HS3ST5: variants seen among roughly 807,000 people sequenced by gnomAD.
HS3ST5 encodes the protein heparan sulfate-glucosamine 3-sulfotransferase 5, also known as heparan sulfate glucosamine 3-O-sulfotransferase 5.
HS3ST5 carries 10 observed loss-of-function variants against 25.4 expected under a neutral mutation model. The ratio of observed to expected loss-of-function variants is 0.39; its 90% CI spans 0.24 to 0.67. The LOEUF (loss-of-function observed/expected upper bound fraction) is 0.67. HS3ST5 is among the 30% of genes least tolerant of loss of function. The pLI is 0.44. For synonymous variants in HS3ST5, 170 were observed against 162.4 expected (o/e 1.05, Z -0.36); for missense variants, 324 against 420.7 (o/e 0.77, Z 2.01).
chr6:114,092,214 A>G (rs1562193497), intron 3 of HS3ST5, among the ~76,000 whole-genome samples: 1 of 152,230 alleles, frequency 6.6e-6, no homozygotes, highest in Non-Finnish European at 1.5e-5. Context: ...CTTTAGTGAC[A>G]TAACCCATGC....
At chr6:114,223,450 G>A (rs1159688404) in intron 2 of HS3ST5, among the ~76,000 whole-genome samples, 2 of 151,724 alleles carry the variant, frequency 1.3e-5, no homozygotes, top group African/African-American at 2.4e-5. Context: ...CTGAGCTTAG[G>A]AGTCTGCAAA....
chr6:114,312,667 C>A (rs9374453), intron 1 of HS3ST5, among the ~76,000 whole-genome samples: 4 of 152,006 alleles, frequency 2.6e-5, no homozygotes, highest in African/African-American at 4.8e-5. Flanking sequence ...AAAAAAAATT[C>A]TTAAAGTTGA....
At chr6:114,290,870 T>TG (rs548102448) in intron 1 of HS3ST5, among the ~76,000 whole-genome samples, 1 of 152,058 alleles carries the variant, frequency 6.6e-6, no homozygotes, top group Non-Finnish European at 1.5e-5. Context: ...TTAACCCTTG[T>TG]GGGGGAAAAC....
chr6:114,088,155 A>C (rs773712944), intron 3 of HS3ST5, among the ~76,000 whole-genome samples: 27 of 152,276 alleles, frequency 1.8e-4, no homozygotes, highest in Non-Finnish European at 2.9e-4. Flanking sequence ...AAAATTGTAA[A>C]TTACCTACGT....
intron 2 of HS3ST5, among the ~76,000 whole-genome samples, chr6:114,227,618 A>G (rs1001025390): frequency 2.6e-5 from 4 of 152,216 alleles, no homozygotes; most frequent in South Asian, 2.1e-4. Flanking sequence ...CACATGATTT[A>G]TAAGTTCTTA....
chr6:114,295,461 T>C (rs1376126036), intron 1 of HS3ST5, among the ~76,000 whole-genome samples: 1 of 152,150 alleles, frequency 6.6e-6, no homozygotes, highest in Non-Finnish European at 1.5e-5. Flanking sequence ...AATCTTTAAC[T>C]TGCCACATTT....
chr6:114,092,679 G>GT (rs749120403), intron 3 of HS3ST5, among the ~76,000 whole-genome samples: 3,039 of 124,970 alleles, frequency 0.024, 78 homozygotes, highest in African/African-American at 0.07. Context: ...TATTTATTTT[G>GT]TTTTTTTTTT....
intron 1 of HS3ST5, among the ~76,000 whole-genome samples, chr6:114,299,828 A>C (rs1462059226): frequency 6.6e-6 from 1 of 152,190 alleles, no homozygotes; most frequent in African/African-American, 2.4e-5. Context: ...ACCTCAGTGA[A>C]ATTTCTACAT....
At chr6:114,101,194 T>C (rs990622205) in intron 3 of HS3ST5, among the ~76,000 whole-genome samples, 18 of 152,196 alleles carry the variant, frequency 1.2e-4, no homozygotes, top group Non-Finnish European at 2.2e-4. Flanking sequence ...AATTCTTACA[T>C]TATTCAAAAG....
intron 1 of HS3ST5, among the ~76,000 whole-genome samples, chr6:114,338,789 G>GA (rs770525532): frequency 3.9e-4 from 59 of 152,088 alleles, no homozygotes; most frequent in Non-Finnish European, 7.4e-4. Flanking sequence ...TTAGATACCA[G>GA]AAAATATATA....
At chr6:114,330,542 C>A (rs1187716025) in intron 1 of HS3ST5, among the ~76,000 whole-genome samples, 4 of 152,200 alleles carry the variant, frequency 2.6e-5, no homozygotes, top group African/African-American at 4.8e-5. Flanking sequence ...GTCCAACCTT[C>A]TGGTTTAGTG....
intron 1 of HS3ST5, among the ~76,000 whole-genome samples, chr6:114,308,473 G>A (rs1775392258): frequency 6.6e-6 from 1 of 152,106 alleles, no homozygotes; most frequent in Non-Finnish European, 1.5e-5. Context: ...TGTAGTCCCA[G>A]CTACTCGGGA....
intron 1 of HS3ST5, among the ~76,000 whole-genome samples, chr6:114,279,324 A>C (rs1347317886): frequency 1.3e-5 from 2 of 152,040 alleles, no homozygotes; most frequent in Non-Finnish European, 2.9e-5. Flanking sequence ...GTTTGTTCTT[A>C]ATATAGTACA....
intron 1 of HS3ST5, among the ~76,000 whole-genome samples, chr6:114,229,694 G>T (rs568666784): frequency 6.6e-6 from 1 of 152,178 alleles, no homozygotes; most frequent in African/African-American, 2.4e-5. Context: ...TAAGAAGTAT[G>T]CTGGGTAAGA....
intron 1 of HS3ST5, among the ~76,000 whole-genome samples, chr6:114,305,451 G>T (rs1775249787): frequency 6.6e-6 from 1 of 152,050 alleles, no homozygotes; most frequent in Non-Finnish European, 1.5e-5. Context: ...CTTGACAGTT[G>T]TTCTTTCAAG....
intron 1 of HS3ST5, among the ~76,000 whole-genome samples, chr6:114,266,550 T>C (rs1024864578): frequency 1.3e-5 from 2 of 152,194 alleles, no homozygotes; most frequent in South Asian, 4.1e-4. Context: ...TATTTTAAAA[T>C]GCAATGTGTG....
At chr6:114,222,638 G>T (rs893540792) in intron 2 of HS3ST5, among the ~76,000 whole-genome samples, 1 of 151,774 alleles carries the variant, frequency 6.6e-6, no homozygotes, top group East Asian at 1.9e-4. Context: ...GGTTGCTATG[G>T]CACAGTGTAT....
intron 2 of HS3ST5, among the ~76,000 whole-genome samples, chr6:114,186,963 T>C (rs1384567586): frequency 2.6e-5 from 4 of 152,222 alleles, no homozygotes; most frequent in African/African-American, 9.6e-5. Context: ...CAACAAAGCC[T>C]GGATGACAGC....
chr6:114,285,127 G>A (rs898251867), intron 1 of HS3ST5, among the ~76,000 whole-genome samples: 2 of 152,042 alleles, frequency 1.3e-5, no homozygotes, highest in Non-Finnish European at 2.9e-5. Context: ...GATGTTCACT[G>A]CAGCATTATC....
Sources: allele counts gnomAD v4.1 joint callset (sites outside exome capture counted in the v4.1 genomes callset), GRCh38; gene constraint gnomAD v4.1.1; transcripts MANE v1.5; gene names NCBI Gene and HGNC (gene_info 2026-07-23, HGNC 2026-07-21).